Variants in MCM9 observed in about 807,000 individuals in gnomAD.
The protein encoded by MCM9 is DNA helicase MCM9.
In MCM9, 55 loss-of-function variants were observed where a neutral mutation model predicts 72.8. That is an observed-to-expected ratio of 0.76 (90% CI 0.61 to 0.95). The LOEUF (loss-of-function observed/expected upper bound fraction) is 0.95. Ranked by LOEUF, MCM9 falls within the 40% of genes least tolerant of loss-of-function variation. MCM9 has a pLI of 0.00. For synonymous variants in MCM9, 480 were observed against 503.4 expected, an observed-to-expected ratio of 0.95 and a Z score of 0.62; for missense variants, 1,279 against 1,377.0, an observed-to-expected ratio of 0.93 and a Z score of 1.13.
intron 9 of MCM9, among the ~76,000 whole-genome samples, chr6:118,840,333 ACT>A: frequency 6.6e-6 from 1 of 151,742 alleles, no homozygotes; most frequent in East Asian, 1.9e-4. Context: ...TAAGGATGGG[ACT>A]CTCTGAGTGT....
At chr6:118,900,942 ATTATC>A in intron 8 of MCM9, 3 of 1,155,866 alleles carry the variant, frequency 2.6e-6, no homozygotes, top group Non-Finnish European at 2.6e-6. Context: ...TATATTATCT[ATTATC>A]TTATAACCCT....
At chr6:118,817,621 T>C (rs892360259) in intron 13 of MCM9, among the ~76,000 whole-genome samples, 4 of 152,160 alleles carry the variant, frequency 2.6e-5, no homozygotes, top group African/African-American at 9.7e-5. Context: ...GTCTTTACAG[T>C]AGAATGATTT....
intron 8 of MCM9, chr6:118,905,509 G>A (rs1378526592): frequency 6.7e-6 from 4 of 600,798 alleles, no homozygotes; most frequent in African/African-American, 3.7e-5. Context: ...AGTCAGAAAT[G>A]AGCATTTTCC....
intron 8 of MCM9, among the ~76,000 whole-genome samples, chr6:118,903,621 G>C (rs1440826098): frequency 6.6e-6 from 1 of 152,196 alleles, no homozygotes; most frequent in Non-Finnish European, 1.5e-5. Flanking sequence ...GAGTTAGAAA[G>C]GGCGTCACTG....
At chr6:118,856,697 G>A in intron 8 of MCM9, 152 bp from the exon 9 acceptor site, 1 of 777,128 alleles carries the variant, frequency 1.3e-6, no homozygotes, top group South Asian at 1.9e-5. Context: ...TGGACAACAT[G>A]GCAAAACCTT....
intron 4 of MCM9, among the ~76,000 whole-genome samples, chr6:118,922,914 C>G (rs1169165092): frequency 6.6e-6 from 1 of 151,768 alleles, no homozygotes; most frequent in Non-Finnish European, 1.5e-5. Flanking sequence ...CGCCCGTAAT[C>G]CCAGCTACTC....
intron 8 of MCM9, chr6:118,908,135 A>C (rs1219955794): frequency 6.5e-6 from 1 of 152,764 alleles, no homozygotes; most frequent in Non-Finnish European, 1.5e-5. Flanking sequence ...TTAGGATCCA[A>C]TTTTCCAAGC....
rs781078527 is a variant in MCM9, at chr6:118,824,345, C to CTT, written c.1961+1800_1961+1801dup. ...ACTAAGCCCTATTATTTTAGTCTTT[C>CTT]TTTTTTTTTCAGATGGAGTTTCACT... On this transcript the variant is annotated intron_variant, in intron 13 of 13. Transcript: ENST00000619706. 5.7e-3 allele frequency among the ~76,000 whole-genome samples: 848 copies of CTT among 148,844 alleles called. 7 individuals carry two copies. The highest frequency in any genetic ancestry group is 9.3e-3 in the Non-Finnish European group (628 of 67,448).
intron 9 of MCM9, among the ~76,000 whole-genome samples, chr6:118,846,767 T>A (rs932076102): frequency 6.6e-6 from 1 of 151,724 alleles, no homozygotes; most frequent in African/African-American, 2.4e-5. Flanking sequence ...TAACTGAGAT[T>A]CCTCTGAACT....
chr6:118,844,515 A>G (rs1164280983), intron 9 of MCM9, among the ~76,000 whole-genome samples: 4 of 151,602 alleles, frequency 2.6e-5, no homozygotes, highest in Non-Finnish European at 4.4e-5. Flanking sequence ...TCTGTAAGTG[A>G]TATTATGTCA....
chr6:118,895,979 T>C (rs1202144926), intron 8 of MCM9, among the ~76,000 whole-genome samples: 1 of 151,926 alleles, frequency 6.6e-6, no homozygotes, highest in African/African-American at 2.4e-5. Context: ...CAGTTCTCTG[T>C]ACTCAGTGCC....
chr6:118,876,056 T>C (rs1271707174), intron 8 of MCM9, among the ~76,000 whole-genome samples: 1 of 152,190 alleles, frequency 6.6e-6, no homozygotes, highest in Non-Finnish European at 1.5e-5. Context: ...TAAACACAAA[T>C]GAGCTATCAG....
intron 8 of MCM9, among the ~76,000 whole-genome samples, chr6:118,876,165 A>G (rs554103128): frequency 6.6e-6 from 1 of 152,210 alleles, no homozygotes; most frequent in Non-Finnish European, 1.5e-5. Flanking sequence ...ACTATATTAC[A>G]TTCTCGAAAA....
chr6:118,820,792 GA>G (rs148123228), intron 13 of MCM9, among the ~76,000 whole-genome samples: 3,257 of 152,254 alleles, frequency 0.021, 54 homozygotes, highest in African/African-American at 0.05. Context: ...CTTCTTTTAT[GA>G]ATCTGGGTGC....
In MCM9 at chr6:118,888,261, C is replaced by T. The variant is rs567361643; in HGVS notation, c.1150+23389G>A. On this transcript the variant is annotated intron_variant, in intron 8 of 13. Transcript: ENST00000619706. ...CAGCACTTTGGGAGGCAGAGGTGGGCGGATCACAAGGTCAGTAGATCGAGA... is the reference window on the plus strand; with the variant it reads ...CAGCACTTTGGGAGGCAGAGGTGGGTGGATCACAAGGTCAGTAGATCGAGA... Among the ~76,000 whole-genome samples the T allele has an allele frequency of 2.3e-3, 354 of 152,106 alleles. 2 individuals are homozygous for T. Among genetic ancestry groups the T allele is most frequent in the African/African-American group, 7.8e-3 (324 of 41,506 alleles).
intron 5 of MCM9, chr6:118,917,970 G>T: frequency 1.8e-6 from 1 of 555,368 alleles, no homozygotes; most frequent in Non-Finnish European, 3.2e-6. Context: ...AAAGTGAAAA[G>T]CTGAAGTCAG....
intron 8 of MCM9, chr6:118,905,820 T>C: frequency 6.3e-7 from 1 of 1,598,496 alleles, no homozygotes; most frequent in Non-Finnish European, 8.5e-7. Flanking sequence ...AAAACCAGAC[T>C]TTTCTAAGGT....
intron 3 of MCM9, among the ~76,000 whole-genome samples, chr6:118,925,022 G>A (rs544190027): frequency 9.2e-5 from 14 of 151,484 alleles, no homozygotes; most frequent in African/African-American, 3.4e-4. Flanking sequence ...CCAGTTTGGG[G>A]AACAGAGGAA....
chr6:118,893,845 CAA>C (rs750220069), intron 8 of MCM9, among the ~76,000 whole-genome samples: 6 of 56,700 alleles, frequency 1.1e-4, no homozygotes, highest in African/African-American at 2.0e-4. Flanking sequence ...ACCAAAAAAA[CAA>C]AAAAAAAAAC....
Sources: allele counts gnomAD v4.1 joint callset (sites outside exome capture counted in the v4.1 genomes callset), GRCh38; gene constraint gnomAD v4.1.1; transcripts MANE v1.5; gene names NCBI Gene and HGNC (gene_info 2026-07-23, HGNC 2026-07-21).